The following DYNC2I2 variants were observed in gnomAD, a reference collection of about 807,000 sequenced individuals.
DYNC2I2 encodes dynein 2 intermediate chain 2, also known as cytoplasmic dynein 2 intermediate chain 2.
Under a neutral mutation model 52.0 loss-of-function variants are expected in DYNC2I2, and 39 were observed. The ratio of observed to expected loss-of-function variants is 0.75; its 90% CI spans 0.58 to 0.98. The LOEUF is 0.98. DYNC2I2 is among the 50% of genes least tolerant of loss of function. The pLI, the probability that DYNC2I2 is intolerant of heterozygous loss-of-function variation, is 0.00. For synonymous variants in DYNC2I2, 359 were observed against 321.1 expected (o/e 1.12, Z -1.26); for missense variants, 743 against 728.4 (o/e 1.02, Z -0.23).
the DYNC2I2 span, among the ~76,000 whole-genome samples, chr9:128,678,866 G>C: frequency 1.3e-5 from 2 of 151,986 alleles, no homozygotes; most frequent in Non-Finnish European, 2.9e-5. Context: ...TCAGGAGATG[G>C]AGAGCATCCT....
At chr9:128,639,258 C>A (rs547729103) in intron 2 of DYNC2I2, among the ~76,000 whole-genome samples, 4 of 151,450 alleles carry the variant, frequency 2.6e-5, no homozygotes, top group African/African-American at 7.3e-5. Flanking sequence ...ATTAGCCGGG[C>A]GTGGTGGCGG....
Position 128,633,807 on chromosome 9 carries a change from G to A in DYNC2I2, c.1548C>T (p.Phe516=), listed in dbSNP as rs780675617. ...CAGCTTCCCGGGGCCCTTGTTCCGT[G>A]AACTCTGTGCTCAGCTGCCACACCT... is the stretch of plus-strand genomic sequence containing the variant. ...TVKVWQLSTE[F]TEQGPREAED... The change falls in exon 9 of 9, where the codon TTC becomes TTT. Residue 516 remains phenylalanine, a synonymous_variant. Coordinates refer to ENST00000372715, the MANE Select transcript of DYNC2I2 (RefSeq NM_052844.4). 3 of 1,613,604 alleles carry A rather than the reference G, an allele frequency of 1.9e-6. No homozygotes were observed. The highest frequency in any genetic ancestry group is 2.2e-5 in the East Asian group (1 of 44,888).
At position 128,656,606 on chromosome 9, in the gene DYNC2I2, C is replaced by G. The variant is rs1194814844; in HGVS notation, c.121G>C (p.Glu41Gln). The change falls in exon 1 of 9, where the codon GAG becomes CAG. Residue 41 changes from glutamate (E) to glutamine (Q), a missense_variant. Transcript: ENST00000372715. ...GGCACGGACGCCACACCCAGGGTCTCGTCCTGCAGCGGCCCTGGCCGCCCC... is the reference window on the plus strand; with the variant it reads ...GGCACGGACGCCACACCCAGGGTCTGGTCCTGCAGCGGCCCTGGCCGCCCC... ...GPGRPGPLQD[E>Q]TLGVASVPSQ... is the part of the protein sequence containing the mutation. 1 of 1,493,828 alleles carries G rather than the reference C, an allele frequency of 6.7e-7. No individual in the cohort carries two copies. The highest frequency in any genetic ancestry group is 2.2e-5 in the Admixed American group (1 of 44,606). The allele number at this position is 1,493,828 out of a possible 1,614,324, so 92.5% of individuals were successfully genotyped here.
the DYNC2I2 span, among the ~76,000 whole-genome samples, chr9:128,674,761 C>T: frequency 4.5e-4 from 68 of 152,196 alleles, 1 homozygote; most frequent in African/African-American, 1.6e-3. Flanking sequence ...TAAAAAATGT[C>T]TAGACATGGA....
At chr9:128,666,099 G>A in the DYNC2I2 span, among the ~76,000 whole-genome samples, 2 of 151,590 alleles carry the variant, frequency 1.3e-5, no homozygotes, top group Non-Finnish European at 2.9e-5. Flanking sequence ...AAAATGTGTT[G>A]GATCAATTGA....
Position 128,636,348 on chromosome 9 carries a change from G to T in DYNC2I2, c.636C>A (p.Ala212=). Residue 212 remains alanine (A), a synonymous_variant, in exon 4 of 9, where the codon GCC becomes GCA. Transcript: ENST00000372715. ...RRDLRPQQPS[A]VVEVPSAVLC... is the part of the protein sequence containing the mutation. ...GGACAGCGCTGGGGACCTCCACCAC[G>T]GCCGACGGCTGCTGGGGACGCAGGT... The T allele has an allele frequency of 1.2e-6, 2 of 1,606,088 alleles. No individual in the cohort carries two copies. Among genetic ancestry groups the T allele is most frequent in the South Asian group, 1.1e-5 (1 of 89,604 alleles).
intron 5 of DYNC2I2, 21 bp from the exon 6 acceptor site, chr9:128,635,280 G>A: frequency 1.2e-6 from 2 of 1,610,356 alleles, no homozygotes; most frequent in Non-Finnish European, 1.7e-6. Flanking sequence ...AGCATGCAGG[G>A]CCAGGATGGA....
intron 1 of DYNC2I2, among the ~76,000 whole-genome samples, chr9:128,648,130 C>T (rs73623584): frequency 0.028 from 4,295 of 152,188 alleles, 192 homozygotes; most frequent in African/African-American, 0.099. Flanking sequence ...GAACACTGGC[C>T]GGGCACAGTG....
At chr9:128,655,511 C>CAA (rs34804977) in intron 1 of DYNC2I2, among the ~76,000 whole-genome samples, 2 of 119,870 alleles carry the variant, frequency 1.7e-5, no homozygotes, top group African/African-American at 3.1e-5. Context: ...ACTCCGTCTC[C>CAA]AAAAAAAAAA....
chr9:128,666,382 A>AG, the DYNC2I2 span, among the ~76,000 whole-genome samples: 2 of 144,918 alleles, frequency 1.4e-5, no homozygotes, highest in East Asian at 2.0e-4. Flanking sequence ...ACCCTGTCTC[A>AG]GAAAAAAAAA....
chr9:128,646,238 C>G (rs1315759108), intron 1 of DYNC2I2, among the ~76,000 whole-genome samples: 2 of 152,182 alleles, frequency 1.3e-5, no homozygotes, highest in Non-Finnish European at 2.9e-5. Context: ...TGTTTTGAGA[C>G]ACAGTCTCAC....
At chr9:128,648,322 A>G (rs1040211806) in intron 1 of DYNC2I2, among the ~76,000 whole-genome samples, 1 of 152,078 alleles carries the variant, frequency 6.6e-6, no homozygotes, top group Non-Finnish European at 1.5e-5. Flanking sequence ...CAGGAGAATC[A>G]CTTAAACCAG....
chr9:128,656,700 T>C lies in DYNC2I2; in HGVS notation c.27A>G (p.Pro9=), dbSNP rs1308704876. The C allele has an allele frequency of 3.4e-6, 5 of 1,455,196 alleles. No homozygotes were observed. Among genetic ancestry groups the C allele is most frequent in the African/African-American group, 3.0e-5 (2 of 67,424 alleles). The allele number at this position is 1,455,196 out of a possible 1,614,324, so 90.1% of individuals were successfully genotyped here. ...CACCAGCGCTTCCCGCCTGGCTGAG[T>C]GGCCCCGGCTGCGCGCGGGTTGCCA... MATRAQPG[P]LSQAGSAGVA... The change falls in exon 1 of 9, where the codon CCA becomes CCG. Residue 9 remains proline (P), a synonymous_variant. Coordinates refer to ENST00000372715, the MANE Select transcript of DYNC2I2 (RefSeq NM_052844.4).
chr9:128,651,397 T>C lies in DYNC2I2; in HGVS notation c.186+5144A>G, dbSNP rs1860711083. The C allele has an allele frequency of 3.7e-5, 2 of 53,636 alleles. 1 individual carries two copies. Among genetic ancestry groups the C allele is most frequent in the Non-Finnish European group, 1.6e-4 (2 of 12,706 alleles). 3.3% of individuals were successfully genotyped at this position (53,636 alleles called of 1,614,324 possible). ...TAATACAAACATTAACCGGCCGTGG[T>C]GGCGCACGGCTGTAATCCCAGCTTC... On this transcript the variant is annotated intron_variant, in intron 1 of 8. Coordinates refer to ENST00000372715, the MANE Select transcript of DYNC2I2 (RefSeq NM_052844.4).
In DYNC2I2 at chr9:128,635,170, G is replaced by A. The variant is rs369977994; in HGVS notation, c.903C>T (p.Ile301=). The A allele has an allele frequency of 2.9e-5, 46 of 1,613,494 alleles. No individual in the cohort carries two copies. In the East Asian group the frequency reaches 7.1e-4, roughly 25 times the overall value. The change falls in exon 6 of 9, where the codon ATC becomes ATT. Residue 301 remains isoleucine, a synonymous_variant. Coordinates refer to ENST00000372715, the MANE Select transcript of DYNC2I2 (RefSeq NM_052844.4). ...CTGTGAGCTGCAGCTGGCCTACCCC[G>A]ATGCCCTGCCAGAGTAGCACCTTCC... ...TDGKVLLWQG[I]GVGQLQLTEG...
At chr9:128,641,228 T>A (rs1812415539) in intron 1 of DYNC2I2, among the ~76,000 whole-genome samples, 1 of 152,118 alleles carries the variant, frequency 6.6e-6, no homozygotes, top group African/African-American at 2.4e-5. Context: ...CCAAGACTTT[T>A]GGTGCAACAA....
intron 1 of DYNC2I2, among the ~76,000 whole-genome samples, chr9:128,653,434 GC>G (rs1179205329): frequency 6.6e-6 from 1 of 151,054 alleles, no homozygotes; most frequent in Non-Finnish European, 1.5e-5. Flanking sequence ...AAAAAACTGG[GC>G]CGGACACGGT....
chr9:128,651,364 TCTA>T lies in DYNC2I2; in HGVS notation c.186+5174_186+5176del, dbSNP rs1249023373. The T allele has an allele frequency of 3.7e-5, 2 of 53,758 alleles. 1 individual carries two copies. The highest frequency in any genetic ancestry group is 7.4e-5 in the African/African-American group (2 of 27,128). 3.3% of individuals were successfully genotyped at this position (53,758 alleles called of 1,614,324 possible). A position where few individuals can be genotyped will look rare whatever the true frequency, so the allele number is the denominator to read the frequency against. ...CTGACCAACATGGTGAAACCCCATC[TCTA>T]CTAATAATACAAACATTAACCGGCC... is the stretch of plus-strand genomic sequence containing the variant. On this transcript the variant is annotated intron_variant, in intron 1 of 8. Transcript: ENST00000372715.
chr9:128,657,404 G>A (rs1206249723), upstream of DYNC2I2, among the ~76,000 whole-genome samples: 1 of 152,110 alleles, frequency 6.6e-6, no homozygotes, highest in African/African-American at 2.4e-5. Flanking sequence ...CCTGAGGAAA[G>A]AATTGCTTTT....
Sources: gnomAD v4.1 joint callset for allele counts (sites outside exome capture counted in the v4.1 genomes callset) on GRCh38, gnomAD v4.1.1 for gene constraint, MANE v1.5 for transcripts, NCBI Gene and HGNC (gene_info 2026-07-23, HGNC 2026-07-21) for gene names.